Variants in KANSL1L observed in about 807,000 individuals in gnomAD.
KANSL1L encodes KAT8 regulatory NSL complex subunit 1 like.
Under a neutral mutation model 108.6 loss-of-function variants are expected in KANSL1L, and 25 were observed. The observed-to-expected ratio is 0.23, with a 90% CI of 0.17 to 0.32. The LOEUF (loss-of-function observed/expected upper bound fraction) is 0.32. KANSL1L is among the 10% of genes least tolerant of loss of function. The pLI is 1.00. For synonymous variants in KANSL1L, 405 were observed against 395.1 expected, an observed-to-expected ratio of 1.03 and a Z score of -0.30; for missense variants, 1,137 against 1,125.7, an observed-to-expected ratio of 1.01 and a Z score of -0.14.
At chr2:210,139,224 A>C (rs190295895) in intron 2 of KANSL1L, among the ~76,000 whole-genome samples, 15 of 152,348 alleles carry the variant, frequency 9.8e-5, no homozygotes, top group Middle Eastern at 3.4e-3. Context: ...GTTATTATTA[A>C]CTACAGTCAC....
chr2:210,027,765 G>A (rs10173943), intron 11 of KANSL1L, among the ~76,000 whole-genome samples: 7,413 of 152,178 alleles, frequency 0.049, 593 homozygotes, highest in African/African-American at 0.17. Flanking sequence ...GCTCACAGAA[G>A]TCTTCTATAT....
intron 1 of KANSL1L, among the ~76,000 whole-genome samples, chr2:210,157,829 G>A (rs916496744): frequency 6.6e-6 from 1 of 150,486 alleles, no homozygotes; most frequent in African/African-American, 2.4e-5. Flanking sequence ...TGGGCAACAT[G>A]ATGAAATCCA....
chr2:210,080,131 ACACACACACGCGTG>A (rs1243936577), intron 5 of KANSL1L: 1 of 132,564 alleles, frequency 7.5e-6, no homozygotes, highest in Non-Finnish European at 1.6e-5. Context: ...ACCCTACAAC[ACACACACACGCGTG>A]CACACACACA....
chr2:210,051,913 G>C lies in KANSL1L; in HGVS notation c.1756-7809C>G, dbSNP rs138729401. Among the ~76,000 whole-genome samples the C allele has an allele frequency of 2.2e-3, 329 of 151,788 alleles. 2 individuals are homozygous for C. The highest frequency in any genetic ancestry group is 6.6e-3 in the African/African-American group (273 of 41,414). On this transcript the variant is annotated intron_variant, in intron 6 of 14. Transcript: ENST00000281772. Reference sequence around the variant, plus strand: ...TGTATAATTTCTCTTTGTGTTCTGGGAGATTTATTTGACTCTATTTTCTAG... The same window carrying C: ...TGTATAATTTCTCTTTGTGTTCTGGCAGATTTATTTGACTCTATTTTCTAG...
intron 3 of KANSL1L, among the ~76,000 whole-genome samples, chr2:210,115,886 T>G (rs2094949053): frequency 6.6e-6 from 1 of 152,160 alleles, no homozygotes; most frequent in African/African-American, 2.4e-5. Context: ...AATAGAAGCC[T>G]CCAGCAATTG....
intron 8 of KANSL1L, chr2:210,035,364 T>C (rs923395376): frequency 2.0e-5 from 3 of 152,198 alleles, no homozygotes; most frequent in African/African-American, 7.2e-5. Context: ...AAATCAGCAA[T>C]GCCATTGTAA....
At chr2:210,136,328 T>C (rs1351862763) in intron 2 of KANSL1L, among the ~76,000 whole-genome samples, 4 of 152,102 alleles carry the variant, frequency 2.6e-5, no homozygotes, top group Non-Finnish European at 5.9e-5. Flanking sequence ...TTGGGAAATA[T>C]TTATGCATTC....
intron 4 of KANSL1L, among the ~76,000 whole-genome samples, chr2:210,103,340 G>C (rs982461387): frequency 2.6e-5 from 4 of 152,040 alleles, no homozygotes; most frequent in African/African-American, 9.7e-5. Context: ...GAAGGGGGGA[G>C]GGATAGCATT....
intron 2 of KANSL1L, among the ~76,000 whole-genome samples, chr2:210,137,431 A>C (rs80022016): frequency 0.011 from 1,633 of 152,304 alleles, 23 homozygotes; most frequent in African/African-American, 0.035. Flanking sequence ...TACACACACA[A>C]AGTGTGTAAA....
intron 8 of KANSL1L, among the ~76,000 whole-genome samples, chr2:210,036,131 CCT>C (rs1237797577): frequency 6.6e-6 from 1 of 152,056 alleles, no homozygotes; most frequent in Non-Finnish European, 1.5e-5. Flanking sequence ...TCTCCCTGAA[CCT>C]CTCTTTTTCT....
intron 6 of KANSL1L, among the ~76,000 whole-genome samples, chr2:210,058,749 A>T (rs1449583192): frequency 6.6e-6 from 1 of 151,480 alleles, no homozygotes; most frequent in African/African-American, 2.4e-5. Flanking sequence ...AGGCAGGAGA[A>T]TGGTGTGAAC....
At chr2:210,110,963 T>C (rs2094898523) in intron 3 of KANSL1L, among the ~76,000 whole-genome samples, 1 of 151,922 alleles carries the variant, frequency 6.6e-6, no homozygotes, top group Non-Finnish European at 1.5e-5. Flanking sequence ...AATACAAAAA[T>C]TAGCCAGGTG....
At chr2:210,109,158 A>G (rs968851073) in intron 3 of KANSL1L, among the ~76,000 whole-genome samples, 4 of 152,128 alleles carry the variant, frequency 2.6e-5, no homozygotes, top group Non-Finnish European at 5.9e-5. Flanking sequence ...CCCTTCAAAT[A>G]TCTTAGAAAA....
chr2:210,159,260 G>A (rs367747302), intron 1 of KANSL1L, among the ~76,000 whole-genome samples: 77 of 152,308 alleles, frequency 5.1e-4, no homozygotes, highest in African/African-American at 1.7e-3. Context: ...TCTTGACACA[G>A]TGACTTTGTG....
At chr2:210,169,475 A>T (rs973944407) in intron 1 of KANSL1L, among the ~76,000 whole-genome samples, 3 of 152,222 alleles carry the variant, frequency 2.0e-5, no homozygotes, top group Non-Finnish European at 4.4e-5. Flanking sequence ...TTAAAGTACA[A>T]AATATTTATA....
chr2:210,037,935 C>T (rs2094125161), intron 8 of KANSL1L, among the ~76,000 whole-genome samples: 1 of 152,046 alleles, frequency 6.6e-6, no homozygotes, highest in African/African-American at 2.4e-5. Flanking sequence ...CAACAAGGTC[C>T]ATACATTGCA....
intron 1 of KANSL1L, among the ~76,000 whole-genome samples, chr2:210,158,024 T>C (rs2095343069): frequency 6.6e-6 from 1 of 152,146 alleles, no homozygotes; most frequent in Non-Finnish European, 1.5e-5. Context: ...GAATAAAACA[T>C]ATATACAAAA....
intron 12 of KANSL1L, chr2:210,026,374 C>A (rs1356518669): frequency 6.6e-6 from 1 of 152,096 alleles, no homozygotes; most frequent in Non-Finnish European, 1.5e-5. Flanking sequence ...ATTCACAACC[C>A]CTTACCTGCA....
chr2:210,148,953 A>T (rs1048116678), intron 2 of KANSL1L, among the ~76,000 whole-genome samples: 2 of 152,124 alleles, frequency 1.3e-5, no homozygotes, highest in Admixed American at 1.3e-4. Flanking sequence ...TCAACTTTAA[A>T]AATTACAAAC....
Sources: allele counts gnomAD v4.1 joint callset (sites outside exome capture counted in the v4.1 genomes callset), GRCh38; gene constraint gnomAD v4.1.1; transcripts MANE v1.5; gene names NCBI Gene and HGNC (gene_info 2026-07-23, HGNC 2026-07-21).